The following CNTNAP4 variants were observed in gnomAD, a reference collection of about 807,000 sequenced individuals.
CNTNAP4 encodes the protein contactin associated protein family member 4, also known as contactin-associated protein-like 4.
A neutral mutation model predicts 148.4 loss-of-function variants in CNTNAP4; 98 were observed. The observed-to-expected ratio is 0.66, with a 90% confidence interval of 0.56 to 0.78. The LOEUF (loss-of-function observed/expected upper bound fraction) is 0.78. Among genes scored for constraint, CNTNAP4 ranks in the 30% least tolerant of loss-of-function variants. The probability of loss-of-function intolerance (pLI) is 0.00; values close to 1 mark genes in which losing one functional copy is unlikely to be tolerated. For missense variants in CNTNAP4, 1,935 were observed against 1,565.6 expected (o/e 1.24, Z -3.98); for synonymous variants, 730 against 565.1 (o/e 1.29, Z -4.14).
chr16:76,354,564 T>G (rs1445227902), intron 2 of CNTNAP4, among the ~76,000 whole-genome samples: 1 of 152,170 alleles, frequency 6.6e-6, no homozygotes, highest in Non-Finnish European at 1.5e-5. Flanking sequence ...GGTGCTTATT[T>G]GCAGAGTTTG....
chr16:76,404,390 C>T (rs923008641), intron 3 of CNTNAP4, among the ~76,000 whole-genome samples: 1 of 151,600 alleles, frequency 6.6e-6, no homozygotes, highest in African/African-American at 2.4e-5. Flanking sequence ...CCAGTCTACT[C>T]TAGTTTGGTG....
At chr16:76,415,043 A>G (rs1355901608) in intron 3 of CNTNAP4, among the ~76,000 whole-genome samples, 1 of 151,226 alleles carries the variant, frequency 6.6e-6, no homozygotes, top group African/African-American at 2.4e-5. Context: ...GAATATACAG[A>G]AGTCAAAATG....
In CNTNAP4 at chr16:76,292,692, T is replaced by G. The variant is rs558010580; in HGVS notation, c.85+14945T>G. 6.0e-5 allele frequency among the ~76,000 whole-genome samples: 9 copies of G among 149,962 alleles called. No individual in the cohort carries two copies. The South Asian group carries it at 1.5e-3, about 24-fold the overall frequency. On this transcript the variant is annotated intron_variant, in intron 1 of 23. Coordinates refer to ENST00000611870, the MANE Select transcript of CNTNAP4 (RefSeq NM_033401.5). ...TTCTGGCATCATAGAGTTTTCTGTC[T>G]TCCTTATCAAAAATATTTTTTTTTC...
At chr16:76,314,449 A>G (rs192177168) in intron 1 of CNTNAP4, among the ~76,000 whole-genome samples, 52 of 152,346 alleles carry the variant, frequency 3.4e-4, no homozygotes, top group East Asian at 2.5e-3. Flanking sequence ...TTGTGTGTAT[A>G]TGTGTATACA....
intron 18 of CNTNAP4, among the ~76,000 whole-genome samples, chr16:76,536,037 A>G (rs2084199873): frequency 6.6e-6 from 1 of 152,144 alleles, no homozygotes; most frequent in Admixed American, 6.5e-5. Flanking sequence ...GTGTTTGTTG[A>G]TGGTAAATCC....
At chr16:76,536,135 T>G (rs1424476446) in intron 18 of CNTNAP4, among the ~76,000 whole-genome samples, 1 of 152,152 alleles carries the variant, frequency 6.6e-6, no homozygotes, top group Non-Finnish European at 1.5e-5. Flanking sequence ...ATAATATGGC[T>G]GTCAGCAACC....
intron 3 of CNTNAP4, among the ~76,000 whole-genome samples, chr16:76,361,150 A>AT (rs1159053820): frequency 6.6e-6 from 1 of 152,046 alleles, no homozygotes; most frequent in African/African-American, 2.4e-5. Context: ...TTAAAAAAAA[A>AT]CTTAACATGA....
intron 2 of CNTNAP4, among the ~76,000 whole-genome samples, chr16:76,335,350 A>G (rs929341633): frequency 6.6e-6 from 1 of 152,174 alleles, no homozygotes; most frequent in Non-Finnish European, 1.5e-5. Flanking sequence ...TCAGACAGGC[A>G]TGAGTCACTC....
intron 3 of CNTNAP4, among the ~76,000 whole-genome samples, chr16:76,403,619 A>G (rs1237035857): frequency 6.6e-6 from 1 of 152,202 alleles, no homozygotes; most frequent in Non-Finnish European, 1.5e-5. Flanking sequence ...TAATTCAACC[A>G]TTGTGGAAAA....
At chr16:76,471,927 G>C (rs568485582) in intron 10 of CNTNAP4, among the ~76,000 whole-genome samples, 18 of 152,298 alleles carry the variant, frequency 1.2e-4, no homozygotes, top group South Asian at 4.1e-4. Context: ...GTTGTATAGA[G>C]TTTACTTCAA....
In CNTNAP4 at chr16:76,427,598, C is replaced by T; in HGVS notation, c.537C>T (p.Tyr179=). 6.2e-7 allele frequency: 1 copy of T among 1,603,398 alleles called. No homozygotes were observed. The highest frequency in any genetic ancestry group is 1.1e-5 in the South Asian group (1 of 88,960). Residue 179 remains tyrosine (Y), a splice_region_variant and synonymous_variant, in exon 4 of 24, where the codon TAC becomes TAT. Transcript: ENST00000611870. ...GAATCGAAGTGTTCGGATGTGCATA[C>T]AGTAAGTGTTTGTTTATCCAATACA... ...GMRIEVFGCA[Y]RSEVVDLDGK...
intron 2 of CNTNAP4, among the ~76,000 whole-genome samples, chr16:76,337,898 A>G (rs549171705): frequency 1.3e-5 from 2 of 152,210 alleles, no homozygotes; most frequent in African/African-American, 2.4e-5. Context: ...CTGACCCCGC[A>G]GGCAGTCAGA....
chr16:76,319,626 C>G (rs756178156), intron 2 of CNTNAP4, among the ~76,000 whole-genome samples: 1 of 152,166 alleles, frequency 6.6e-6, no homozygotes, highest in Admixed American at 6.5e-5. Flanking sequence ...GGGCTAAATC[C>G]AATGACTGGT....
chr16:76,551,564 A>C (rs2144389882), intron 21 of CNTNAP4, among the ~76,000 whole-genome samples: 1 of 152,294 alleles, frequency 6.6e-6, no homozygotes, highest in African/African-American at 2.4e-5. Flanking sequence ...TTATAAACAA[A>C]AGAAGCTCAT....
intron 3 of CNTNAP4, among the ~76,000 whole-genome samples, chr16:76,367,984 C>A (rs1263979883): frequency 6.6e-6 from 1 of 152,170 alleles, no homozygotes; most frequent in African/African-American, 2.4e-5. Flanking sequence ...CCTAGGGAGA[C>A]TGTCTAGAGG....
chr16:76,522,676 C>T (rs1161042202), intron 17 of CNTNAP4, among the ~76,000 whole-genome samples: 3,811 of 89,004 alleles, frequency 0.043, 463 homozygotes, highest in Middle Eastern at 0.1. Flanking sequence ...CCTTCTTTCT[C>T]TCTTTCTCTC....
intron 3 of CNTNAP4, among the ~76,000 whole-genome samples, chr16:76,423,081 AAAC>A (rs2079247504): frequency 6.6e-6 from 1 of 152,170 alleles, no homozygotes; most frequent in Non-Finnish European, 1.5e-5. Flanking sequence ...GCATTCTATG[AAAC>A]ATGAAGTAGG....
intron 3 of CNTNAP4, among the ~76,000 whole-genome samples, chr16:76,376,790 G>T (rs2015457307): frequency 6.6e-6 from 1 of 152,194 alleles, no homozygotes. Context: ...AGAGCATGGA[G>T]GAAGAGAAGT....
chr16:76,363,891 A>G (rs1465364409), intron 3 of CNTNAP4, among the ~76,000 whole-genome samples: 1 of 152,146 alleles, frequency 6.6e-6, no homozygotes, highest in Non-Finnish European at 1.5e-5. Flanking sequence ...AGCATGTTAC[A>G]TCAATCCCTT....
Sources: allele counts gnomAD v4.1 joint callset (sites outside exome capture counted in the v4.1 genomes callset), GRCh38; gene constraint gnomAD v4.1.1; transcripts MANE v1.5; gene names NCBI Gene and HGNC (gene_info 2026-07-23, HGNC 2026-07-21).